ID2: variants seen among roughly 807,000 people sequenced by gnomAD.
ID2 encodes the protein inhibitor of DNA binding 2.
A neutral mutation model predicts 8.3 loss-of-function variants in ID2; 2 were observed. The observed-to-expected ratio is 0.24, with a 90% CI of 0.10 to 0.76. The LOEUF (loss-of-function observed/expected upper bound fraction) is 0.76, where lower values mean the gene tolerates loss of function less well. Among genes scored for constraint, ID2 ranks in the 30% least tolerant of loss-of-function variants. ID2 has a pLI of 0.73. For synonymous variants in ID2, 112 were observed against 72.3 expected, an observed-to-expected ratio of 1.55 and a Z score of -2.79; for missense variants, 155 against 167.0, an observed-to-expected ratio of 0.93 and a Z score of 0.40.
Position 8,682,135 on chromosome 2 carries a change from C to T in ID2, c.-31C>T, listed in dbSNP as rs374730683. On this transcript the variant is annotated 5_prime_UTR_variant, in exon 1 of 3. Transcript: ENST00000396290. The stretch of plus-strand genomic sequence containing the variant: ...GCCTGAGCTTCAGGGCAGCCAGCTC[C>T]CTCCCGGTCTCGCCTTCCCTCGCGG... 8.9e-6 allele frequency: 14 copies of T among 1,577,586 alleles called. No individual in the cohort carries two copies. Among genetic ancestry groups the T allele is most frequent in the African/African-American group, 5.4e-5 (4 of 74,158 alleles).
Position 8,682,528 on chromosome 2 carries a change from G to C in ID2, c.348+15G>C, listed in dbSNP as rs1662110758. 3 of 1,591,356 alleles carry C rather than the reference G, an allele frequency of 1.9e-6. No homozygotes were observed. The highest frequency in any genetic ancestry group is 2.6e-6 in the Non-Finnish European group (3 of 1,163,718). ...TGTCCTTGCAGGTAAGACCTGCTCC[G>C]GGGTCCCCGCCCCGCCGCCGCACAC... On this transcript the variant is annotated intron_variant, in intron 1 of 2. Coordinates refer to ENST00000396290, the MANE Select transcript of ID2 (RefSeq NM_002166.5).
chr2:8,682,296 C>G lies in ID2; in HGVS notation c.131C>G (p.Ser44Cys). 6.2e-7 allele frequency: 1 copy of G among 1,614,168 alleles called. No individual in the cohort carries two copies. The highest frequency in any genetic ancestry group is 8.5e-7 in the Non-Finnish European group (1 of 1,180,034). ...CTATACAACATGAACGACTGCTACT[C>G]CAAGCTCAAGGAGCTGGTGCCCAGC... The part of the protein sequence containing the change: ...SLLYNMNDCY[S>C]KLKELVPSIP... The change falls in exon 1 of 3, where the codon TCC becomes TGC. Residue 44 changes from serine to cysteine, a missense_variant. Physicochemically the swap from Ser to Cys is moderately radical, Grantham distance 112 (BLOSUM62 -1). Coordinates refer to ENST00000396290, the MANE Select transcript of ID2 (RefSeq NM_002166.5).
chr2:8,682,151 TC>T lies in ID2; in HGVS notation c.-12del, dbSNP rs762964659. On this transcript the variant is annotated 5_prime_UTR_variant, in exon 1 of 3. Coordinates refer to ENST00000396290, the MANE Select transcript of ID2 (RefSeq NM_002166.5). ...AGCCAGCTCCCTCCCGGTCTCGCCT[TC>T]CCTCGCGGTCAGCATGAAAGCCTTC... 239 of 1,605,214 alleles carry T rather than the reference TC, an allele frequency of 1.5e-4. 1 individual carries two copies. In the African/African-American group the frequency reaches 3.0e-3, roughly 20 times the overall value.
At position 8,682,250 on chromosome 2, in the gene ID2, G is replaced by A. The variant is rs757610838; in HGVS notation, c.85G>A (p.Val29Met). 5 of 1,614,016 alleles carry A rather than the reference G, an allele frequency of 3.1e-6. No homozygotes were observed. The highest frequency in any genetic ancestry group is 4.2e-6 in the Non-Finnish European group (5 of 1,180,054). ...GGGCATCTCCCGGAGCAAAACCCCT[G>A]TGGACGACCCGATGAGCCTGCTATA... ...SLGISRSKTPVDDPMSLLYNM... is the reference protein window; with the variant it reads ...SLGISRSKTPMDDPMSLLYNM... The change falls in exon 1 of 3, where the codon GTG becomes ATG. Residue 29 changes from valine to methionine, a missense_variant. Val to Met is a conservative substitution (Grantham distance 21). Around this residue, in one of 3 missense-constraint regions of ID2, gnomAD observed 73 missense variants for 72.2 expected, o/e 1.01. Transcript: ENST00000396290.
At position 8,682,083 on chromosome 2, in the gene ID2, C is replaced by T. The variant is rs888815583; in HGVS notation, c.-83C>T. The stretch of plus-strand genomic sequence containing the variant: ...TCTGAGCCGAGCCCGGTGCCAAGCG[C>T]AGCTAGCTCAGCAGGCGGCAGCGGC... On this transcript the variant is annotated 5_prime_UTR_variant, in exon 1 of 3. Coordinates refer to ENST00000396290, the MANE Select transcript of ID2 (RefSeq NM_002166.5). 12 of 1,135,786 alleles carry T rather than the reference C, an allele frequency of 1.1e-5. No homozygotes were observed. Among genetic ancestry groups the T allele is most frequent in the African/African-American group, 3.1e-5 (2 of 65,140 alleles). 70.4% of individuals were successfully genotyped at this position (1,135,786 alleles called of 1,614,324 possible).
rs752754481 is a variant in ID2 at position 8,682,527 on chromosome 2, C to G, written c.348+14C>G. 24 of 1,586,608 alleles carry G rather than the reference C, an allele frequency of 1.5e-5. No homozygotes were observed. In the South Asian group the frequency reaches 1.9e-4, roughly 12 times the overall value. Reference sequence around the variant, plus strand: ...CTGTCCTTGCAGGTAAGACCTGCTCCGGGGTCCCCGCCCCGCCGCCGCACA... The same window carrying G: ...CTGTCCTTGCAGGTAAGACCTGCTCGGGGGTCCCCGCCCCGCCGCCGCACA... On this transcript the variant is annotated intron_variant, in intron 1 of 2. Coordinates refer to ENST00000396290, the MANE Select transcript of ID2 (RefSeq NM_002166.5).
rs1353393525 is a variant in ID2, at chr2:8,682,188, G to C, written c.23G>C (p.Arg8Thr). MKAFSPV[R>T]SVRKNSLSDH... Reference sequence around the variant, plus strand: ...AGCATGAAAGCCTTCAGTCCCGTGAGGTCCGTTAGGAAAAACAGCCTGTCG... The same window carrying C: ...AGCATGAAAGCCTTCAGTCCCGTGACGTCCGTTAGGAAAAACAGCCTGTCG... The change falls in exon 1 of 3, where the codon AGG becomes ACG. Residue 8 changes from arginine to threonine, a missense_variant. Arg to Thr is a moderately conservative substitution (Grantham distance 71). Transcript: ENST00000396290. 3 of 1,613,728 alleles carry C rather than the reference G, an allele frequency of 1.9e-6. No homozygotes were observed. In the East Asian group the frequency reaches 6.7e-5, roughly 36 times the overall value.
Position 8,682,820 on chromosome 2 carries a change from C to G in ID2, c.349-23C>G, listed in dbSNP as rs200323055. ...TACTTAACATTGTCTTAACCTCGTA[C>G]TCTTTATCCTCTTTCTTTCCAGGCT... On this transcript the variant is annotated intron_variant, in intron 1 of 2. Transcript: ENST00000396290. The G allele has an allele frequency of 6.7e-6, 10 of 1,490,192 alleles. No homozygotes were observed. The South Asian group carries it at 9.0e-5, about 13-fold the overall frequency. 92.3% of individuals were successfully genotyped at this position (1,490,192 alleles called of 1,614,324 possible).
rs914126176 is a variant in ID2 at position 8,684,073 on chromosome 2, C to A, written c.*396C>A. Reference sequence around the variant, plus strand: ...CAGTATTCAGTCACTTAAATGAAGTCTTTTGGTCAGAAATTACCTTTTTGA... The same window carrying A: ...CAGTATTCAGTCACTTAAATGAAGTATTTTGGTCAGAAATTACCTTTTTGA... On this transcript the variant is annotated 3_prime_UTR_variant, in exon 3 of 3. Transcript: ENST00000396290. 6.6e-6 allele frequency: 1 copy of A among 152,318 alleles called. No individual in the cohort carries two copies. The highest frequency in any genetic ancestry group is 1.5e-5 in the Non-Finnish European group (1 of 68,030). The allele number at this position is 152,318 out of a possible 1,614,324, so 9.4% of individuals were successfully genotyped here. A position where few individuals can be genotyped will look rare whatever the true frequency, so the allele number is the denominator to read the frequency against.
chr2:8,682,609 G>C (rs777091199), intron 1 of ID2, 96 bp downstream of exon 1: 8 of 876,028 alleles, frequency 9.1e-6, no homozygotes, highest in Non-Finnish European at 1.1e-5. Flanking sequence ...GGTGACTTTC[G>C]TATGAGCTAT....
Position 8,682,091 on chromosome 2 carries a change from T to G in ID2, c.-75T>G. The G allele has an allele frequency of 8.1e-7, 1 of 1,233,680 alleles. No individual in the cohort carries two copies. Among genetic ancestry groups the G allele is most frequent in the South Asian group, 1.3e-5 (1 of 76,786 alleles). The allele number at this position is 1,233,680 out of a possible 1,614,324, so 76.4% of individuals were successfully genotyped here. On this transcript the variant is annotated 5_prime_UTR_variant, in exon 1 of 3. Transcript: ENST00000396290. ...GAGCCCGGTGCCAAGCGCAGCTAGC[T>G]CAGCAGGCGGCAGCGGCGGCCTGAG...
At chr2:8,683,108 C>G in intron 2 of ID2, 1 of 593,998 alleles carries the variant, frequency 1.7e-6, no homozygotes. Flanking sequence ...GAACATTTTC[C>G]TTTAAAAGGA....
At position 8,682,102 on chromosome 2, in the gene ID2, C is replaced by T. The variant is rs1223723744; in HGVS notation, c.-64C>T. On this transcript the variant is annotated 5_prime_UTR_variant, in exon 1 of 3. Transcript: ENST00000396290. ...CAAGCGCAGCTAGCTCAGCAGGCGG[C>T]AGCGGCGGCCTGAGCTTCAGGGCAG... is the stretch of plus-strand genomic sequence containing the variant. 3 of 1,326,872 alleles carry T rather than the reference C, an allele frequency of 2.3e-6. No individual in the cohort carries two copies. The highest frequency in any genetic ancestry group is 2.3e-5 in the East Asian group (1 of 43,356). The allele number at this position is 1,326,872 out of a possible 1,614,324, so 82.2% of individuals were successfully genotyped here.
chr2:8,682,545 G>A, intron 1 of ID2, 32 bp downstream of exon 1: 2 of 1,525,276 alleles, frequency 1.3e-6, no homozygotes, highest in Non-Finnish European at 9.0e-7. Flanking sequence ...CCGCCCCGCC[G>A]CCGCACACTC....
chr2:8,683,368 T>C (rs374952354), intron 2 of ID2, among the ~76,000 whole-genome samples: 1 of 152,234 alleles, frequency 6.6e-6, no homozygotes, highest in African/African-American at 2.4e-5. Context: ...GATCCCAGAC[T>C]TCCCTATCTG....
In ID2 at chr2:8,682,789, C is replaced by T. The variant is rs1012501423; in HGVS notation, c.349-54C>T. ...AAAAAAAAAAAAAAAAAAAAAAAAC[C>T]CTTTCTACTTAACATTGTCTTAACC... On this transcript the variant is annotated intron_variant, in intron 1 of 2. Transcript: ENST00000396290. 72 of 1,211,684 alleles carry T rather than the reference C, an allele frequency of 5.9e-5. 1 individual carries two copies. The highest frequency in any genetic ancestry group is 1.7e-4 in the Admixed American group (9 of 51,648). 75.1% of individuals were successfully genotyped at this position (1,211,684 alleles called of 1,614,324 possible).
At position 8,682,178 on chromosome 2, in the gene ID2, A is replaced by T; in HGVS notation, c.13A>T (p.Ser5Cys). The stretch of plus-strand genomic sequence containing the variant: ...CCTCGCGGTCAGCATGAAAGCCTTC[A>T]GTCCCGTGAGGTCCGTTAGGAAAAA... MKAF[S>C]PVRSVRKNSL... Residue 5 changes from serine to cysteine, a missense_variant, in exon 1 of 3, where the codon AGT (serine) becomes TGT (cysteine). Physicochemically the swap from Ser to Cys is moderately radical, Grantham distance 112 (BLOSUM62 -1). Transcript: ENST00000396290. The T allele has an allele frequency of 6.2e-7, 1 of 1,613,414 alleles. No homozygotes were observed. The highest frequency in any genetic ancestry group is 8.5e-7 in the Non-Finnish European group (1 of 1,179,886).
At chr2:8,682,775 AAAAAAAAAAAAAC>A in intron 1 of ID2, 55 bp from the exon 2 acceptor site, 1 of 1,179,228 alleles carries the variant, frequency 8.5e-7, no homozygotes, top group Non-Finnish European at 1.2e-6. Flanking sequence ...AAAAAAAAAA[AAAAAAAAAAAAAC>A]CCTTTCTACT....
chr2:8,682,674 A>G (rs1475034372), intron 1 of ID2, 161 bp downstream of exon 1: 9 of 714,304 alleles, frequency 1.3e-5, no homozygotes, highest in Non-Finnish European at 2.1e-5. Context: ...TGAAATTGCT[A>G]GTAAGTTCTG....
Sources: gnomAD v4.1 joint callset for allele counts (sites outside exome capture counted in the v4.1 genomes callset) on GRCh38, gnomAD v4.1.1 for gene constraint, gnomAD v4.1.1 regional missense constraint, MANE v1.5 for transcripts, NCBI Gene and HGNC (gene_info 2026-07-23, HGNC 2026-07-21) for gene names.